Variants in SRPK2 observed in about 807,000 individuals in gnomAD.
SRPK2 encodes the protein SRSF protein kinase 2.
Under a neutral mutation model 90.8 loss-of-function variants are expected in SRPK2, and 21 were observed. The ratio of observed to expected loss-of-function variants is 0.23; its 90% CI spans 0.16 to 0.33. The LOEUF is 0.33. Among genes scored for constraint, SRPK2 ranks in the 10% least tolerant of loss-of-function variants. The pLI, the probability that SRPK2 is intolerant of heterozygous loss-of-function variation, is 1.00. For missense variants in SRPK2, 620 were observed against 869.0 expected (o/e 0.71, Z 3.60); for synonymous variants, 288 against 311.1 (o/e 0.93, Z 0.78).
At chr7:105,376,838 C>T (rs1820363064) in intron 2 of SRPK2, among the ~76,000 whole-genome samples, 1 of 99,992 alleles carries the variant, frequency 1.0e-5, no homozygotes, top group East Asian at 6.5e-4. Flanking sequence ...ACGCCCGCCC[C>T]CCCACCCCCC....
In SRPK2 at chr7:105,145,315, T is replaced by C. The variant is rs907042219; in HGVS notation, c.788-7A>G. 1.3e-6 allele frequency: 2 copies of C among 1,587,784 alleles called. No individual in the cohort carries two copies. The highest frequency in any genetic ancestry group is 1.7e-6 in the Non-Finnish European group (2 of 1,166,780). On this transcript the variant is annotated splice_region_variant and splice_polypyrimidine_tract_variant and intron_variant, in intron 8 of 15. Transcript: ENST00000393651. ...TGCTGTGGAGCCGTACTCACTAAAA[T>C]AAAATCAAACAAAATCTGTATTTAG...
intron 2 of SRPK2, among the ~76,000 whole-genome samples, chr7:105,260,892 G>A (rs1406721308): frequency 3.3e-5 from 5 of 151,288 alleles, no homozygotes; most frequent in Non-Finnish European, 4.4e-5. Context: ...GGGGGGTGGG[G>A]GACTGGGGGA....
rs148209086 is a variant in SRPK2 at position 105,223,929 on chromosome 7, G to A, written c.72-20144C>T. Among the ~76,000 whole-genome samples, 987 of 152,252 alleles carry A rather than the reference G, an allele frequency of 6.5e-3. 8 individuals are homozygous for A. Among genetic ancestry groups the A allele is most frequent in the African/African-American group, 0.02 (836 of 41,556 alleles). ...CACAAAATAACATATAAAAAATATT[G>A]CTCAAGGGTCTTAAGGAGCAGGCTA... is the stretch of plus-strand genomic sequence containing the variant. On this transcript the variant is annotated intron_variant, in intron 2 of 15. Coordinates refer to ENST00000393651, the MANE Select transcript of SRPK2 (RefSeq NM_182692.3).
chr7:105,396,659 AAAG>A (rs1378206707), intron 1 of SRPK2, among the ~76,000 whole-genome samples: 15 of 150,034 alleles, frequency 1.0e-4, no homozygotes, highest in South Asian at 2.2e-4. Flanking sequence ...GAGAGAGAGA[AAAG>A]AAGAAGAAGA....
intron 2 of SRPK2, among the ~76,000 whole-genome samples, chr7:105,282,849 G>A (rs911778073): frequency 2.0e-5 from 3 of 150,096 alleles, no homozygotes; most frequent in Non-Finnish European, 3.0e-5. Flanking sequence ...AAAGTAAAAA[G>A]AAAACCCACA....
At chr7:105,238,097 G>A (rs1800352985) in intron 2 of SRPK2, among the ~76,000 whole-genome samples, 1 of 152,152 alleles carries the variant, frequency 6.6e-6, no homozygotes, top group African/African-American at 2.4e-5. Flanking sequence ...AGTAAAGGCT[G>A]AATCGTGCAG....
In SRPK2 at chr7:105,134,604, G is replaced by C. The variant is rs560140164; in HGVS notation, c.1544-1500C>G. ...TGCTGAAATGAACTAAACCTCTGTTGGGGTACATACGAGCTGTGAAACCAG... is the reference window on the plus strand; with the variant it reads ...TGCTGAAATGAACTAAACCTCTGTTCGGGTACATACGAGCTGTGAAACCAG... On this transcript the variant is annotated intron_variant, in intron 11 of 15. Transcript: ENST00000393651. Among the ~76,000 whole-genome samples the C allele has an allele frequency of 1.8e-4, 27 of 152,322 alleles. No homozygotes were observed. The South Asian group carries it at 5.4e-3, about 30-fold the overall frequency.
intron 2 of SRPK2, among the ~76,000 whole-genome samples, chr7:105,268,476 T>C (rs1054474618): frequency 4.6e-5 from 7 of 152,238 alleles, no homozygotes; most frequent in African/African-American, 1.4e-4. Flanking sequence ...CCTCACAGCA[T>C]TTCCCTTTAA....
At chr7:105,242,018 T>C (rs915047211) in intron 2 of SRPK2, among the ~76,000 whole-genome samples, 1 of 152,192 alleles carries the variant, frequency 6.6e-6, no homozygotes, top group Admixed American at 6.5e-5. Context: ...TCAAATTCAA[T>C]ACATATTTAA....
intron 2 of SRPK2, among the ~76,000 whole-genome samples, chr7:105,329,293 A>G (rs1337616917): frequency 2.6e-5 from 4 of 152,174 alleles, no homozygotes; most frequent in Admixed American, 2.6e-4. Flanking sequence ...AATATCATGT[A>G]CTAATGTGGA....
chr7:105,294,828 T>C (rs1205274026), intron 2 of SRPK2, among the ~76,000 whole-genome samples: 1 of 152,144 alleles, frequency 6.6e-6, no homozygotes, highest in Non-Finnish European at 1.5e-5. Flanking sequence ...ACCCAACCCT[T>C]AGTCATTTTC....
chr7:105,298,881 C>A, intron 2 of SRPK2: 2 of 717,794 alleles, frequency 2.8e-6, no homozygotes, highest in Non-Finnish European at 1.7e-6. Context: ...CAATGTAGGC[C>A]AACGCCTCAT....
intron 2 of SRPK2, among the ~76,000 whole-genome samples, chr7:105,243,972 A>G (rs1216361861): frequency 2.6e-5 from 4 of 152,198 alleles, no homozygotes; most frequent in African/African-American, 9.7e-5. Flanking sequence ...CATTAATAAG[A>G]TGAGTGTGCC....
chr7:105,275,076 C>T (rs915471978), intron 2 of SRPK2, among the ~76,000 whole-genome samples: 2 of 151,790 alleles, frequency 1.3e-5, no homozygotes, highest in Non-Finnish European at 1.5e-5. Context: ...TTAGTAGAGA[C>T]GGGGGTTTCA....
intron 2 of SRPK2, among the ~76,000 whole-genome samples, chr7:105,338,445 C>G (rs1014169101): frequency 6.6e-6 from 1 of 152,146 alleles, no homozygotes; most frequent in African/African-American, 2.4e-5. Context: ...CGGGGTTTCA[C>G]TATCTTGGCC....
chr7:105,120,736 A>G (rs1800220890), intron 15 of SRPK2, among the ~76,000 whole-genome samples: 1 of 152,190 alleles, frequency 6.6e-6, no homozygotes, highest in Admixed American at 6.5e-5. Flanking sequence ...CCCAGATGCT[A>G]TAATGATTAT....
intron 9 of SRPK2, among the ~76,000 whole-genome samples, 163 bp downstream of exon 9, chr7:105,145,107 CAAAAAAAAAAAAA>C (rs10718877): frequency 7.5e-5 from 8 of 107,180 alleles, no homozygotes; most frequent in Admixed American, 5.7e-4. Context: ...ACTCAGTTTT[CAAAAAAAAAAAAA>C]AAAAAAATTA....
intron 6 of SRPK2, among the ~76,000 whole-genome samples, chr7:105,162,135 G>C (rs1483138839): frequency 6.6e-6 from 1 of 152,180 alleles, no homozygotes; most frequent in Non-Finnish European, 1.5e-5. Context: ...TCCACCTCCT[G>C]GGTTCAAGCG....
intron 13 of SRPK2, among the ~76,000 whole-genome samples, chr7:105,130,694 A>G (rs886807527): frequency 1.3e-5 from 2 of 152,046 alleles, no homozygotes. Context: ...CGATGAGGTA[A>G]GAAAAACTGC....
Sources: allele counts gnomAD v4.1 joint callset (sites outside exome capture counted in the v4.1 genomes callset), GRCh38; gene constraint gnomAD v4.1.1; transcripts MANE v1.5; gene names NCBI Gene and HGNC (gene_info 2026-07-23, HGNC 2026-07-21).